The following CRTAC1 variants were observed in gnomAD, a reference collection of about 807,000 sequenced individuals.
CRTAC1 encodes acidic secreted protein in cartilage.
Under a neutral mutation model 67.8 loss-of-function variants are expected in CRTAC1, and 37 were observed. The observed-to-expected ratio is 0.55, with a 90% CI of 0.42 to 0.72. The LOEUF is 0.72. Ranked by LOEUF, CRTAC1 falls within the 30% of genes least tolerant of loss-of-function variation. CRTAC1 has a pLI of 0.00. For missense variants in CRTAC1, 780 were observed against 931.6 expected, an observed-to-expected ratio of 0.84 and a Z score of 2.12; for synonymous variants, 348 against 371.0, an observed-to-expected ratio of 0.94 and a Z score of 0.71.
chr10:97,965,371 A>G (rs2051598137), intron 2 of CRTAC1, among the ~76,000 whole-genome samples: 1 of 152,186 alleles, frequency 6.6e-6, no homozygotes, highest in South Asian at 2.1e-4. Flanking sequence ...ACTGAGGCAA[A>G]AGCAGTTAAG....
At chr10:97,868,396 G>A (rs973501272) in intron 14 of CRTAC1, 2 of 152,268 alleles carry the variant, frequency 1.3e-5, no homozygotes, top group South Asian at 4.1e-4. Context: ...TGTTACCACA[G>A]GGATGGCACC....
intron 5 of CRTAC1, among the ~76,000 whole-genome samples, chr10:97,915,146 C>T (rs531960515): frequency 1.3e-5 from 2 of 152,276 alleles, no homozygotes; most frequent in South Asian, 4.2e-4. Flanking sequence ...GCCTCAAGTC[C>T]GGGTGCCAGC....
At position 97,967,002 on chromosome 10, in the gene CRTAC1, C is replaced by G. The variant is rs1026834199; in HGVS notation, c.225-30636G>C. 2.2e-4 allele frequency among the ~76,000 whole-genome samples: 33 copies of G among 150,468 alleles called. 1 individual carries two copies. The highest frequency in any genetic ancestry group is 3.4e-3 in the Middle Eastern group (1 of 292). ...TCTCCATTGTAAAGTCACCCCCCCC[C>G]CCCCGACATCCTACATGCTTCAGAA... On this transcript the variant is annotated intron_variant, in intron 2 of 14. Coordinates refer to ENST00000370597, the MANE Select transcript of CRTAC1 (RefSeq NM_018058.7).
intron 2 of CRTAC1, among the ~76,000 whole-genome samples, chr10:98,000,623 C>A (rs751173464): frequency 6.6e-6 from 1 of 152,208 alleles, no homozygotes; most frequent in Non-Finnish European, 1.5e-5. Flanking sequence ...GTGGGCGGAG[C>A]GAGCCCATCA....
chr10:97,959,350 G>C (rs2051488312), intron 2 of CRTAC1, among the ~76,000 whole-genome samples: 1 of 152,228 alleles, frequency 6.6e-6, no homozygotes, highest in South Asian at 2.1e-4. Flanking sequence ...ACACCTGACA[G>C]CAACAACTTA....
intron 2 of CRTAC1, among the ~76,000 whole-genome samples, chr10:98,004,492 G>T (rs1466733819): frequency 6.6e-6 from 1 of 152,184 alleles, no homozygotes; most frequent in Non-Finnish European, 1.5e-5. Flanking sequence ...AAAAAGATTA[G>T]ATTGGAAGCA....
At chr10:98,019,113 G>A (rs1564938155) in intron 1 of CRTAC1, among the ~76,000 whole-genome samples, 1 of 152,122 alleles carries the variant, frequency 6.6e-6, no homozygotes, top group Non-Finnish European at 1.5e-5. Context: ...AGGGGTTGTA[G>A]CTGGACTCTG....
chr10:97,958,593 A>G (rs2051476993), intron 2 of CRTAC1, among the ~76,000 whole-genome samples: 1 of 152,170 alleles, frequency 6.6e-6, no homozygotes, highest in Admixed American at 6.5e-5. Context: ...ACACTGACAC[A>G]TCATTTGAGT....
intron 8 of CRTAC1, among the ~76,000 whole-genome samples, chr10:97,898,629 G>A (rs1052640778): frequency 6.6e-6 from 1 of 152,182 alleles, no homozygotes; most frequent in Non-Finnish European, 1.5e-5. Context: ...AAAGGCAATG[G>A]GGAGCTTCTA....
intron 2 of CRTAC1, among the ~76,000 whole-genome samples, chr10:97,982,362 G>A (rs761214316): frequency 1.2e-4 from 18 of 152,120 alleles, no homozygotes; most frequent in South Asian, 6.2e-4. Flanking sequence ...CTTTTTCTGC[G>A]GAAAGTTATG....
rs974652037 is a variant in CRTAC1, at chr10:97,876,591, T to A, written c.1819+3658A>T. On this transcript the variant is annotated intron_variant, in intron 14 of 14. Transcript: ENST00000370597. ...TGGGGCACCAGCTCCTCCATTTGCATAATCCCTTCCGGGTCCATTTCATTA... is the reference window on the plus strand; with the variant it reads ...TGGGGCACCAGCTCCTCCATTTGCAAAATCCCTTCCGGGTCCATTTCATTA... 2.0e-5 allele frequency among the ~76,000 whole-genome samples: 3 copies of A among 152,184 alleles called. No homozygotes were observed. The East Asian group carries it at 5.8e-4, about 29-fold the overall frequency.
intron 11 of CRTAC1, among the ~76,000 whole-genome samples, chr10:97,892,816 C>T (rs2050397293): frequency 6.6e-6 from 1 of 152,200 alleles, no homozygotes; most frequent in Admixed American, 6.5e-5. Flanking sequence ...ACACTCCAAC[C>T]TCAGGCTGAC....
rs1423186458 is a variant in CRTAC1, at chr10:98,005,099, TA to T, written c.224+6038del. Among the ~76,000 whole-genome samples the T allele has an allele frequency of 4.0e-3, 229 of 57,376 alleles. 2 individuals carry two copies. Among genetic ancestry groups the T allele is most frequent in the African/African-American group, 0.014 (219 of 15,490 alleles). The allele number at this position is 57,376 out of a possible 152,430, so 37.6% of individuals were successfully genotyped here. A position where few individuals can be genotyped will look rare whatever the true frequency, so the allele number is the denominator to read the frequency against. ...AGTAATACATATATATATATATATA[TA>T]TTTTTTTTTTTTTTTTTTTTTGAGA... is the stretch of plus-strand genomic sequence containing the variant. On this transcript the variant is annotated intron_variant, in intron 2 of 14. Coordinates refer to ENST00000370597, the MANE Select transcript of CRTAC1 (RefSeq NM_018058.7).
chr10:97,925,404 G>A (rs1455853123), intron 3 of CRTAC1, among the ~76,000 whole-genome samples: 1 of 152,114 alleles, frequency 6.6e-6, no homozygotes, highest in Non-Finnish European at 1.5e-5. Context: ...GGGTGTGTGA[G>A]TGAGGGTGTG....
chr10:97,933,659 T>C (rs1412296187), intron 3 of CRTAC1, among the ~76,000 whole-genome samples: 1 of 152,220 alleles, frequency 6.6e-6, no homozygotes. Context: ...GAGTGTGAAC[T>C]TCACGAGGGC....
At chr10:97,926,865 G>A (rs890864372) in intron 3 of CRTAC1, among the ~76,000 whole-genome samples, 2 of 152,150 alleles carry the variant, frequency 1.3e-5, no homozygotes, top group African/African-American at 2.4e-5. Flanking sequence ...CAGATGCCTG[G>A]GAGCCTCTGA....
chr10:97,882,531 C>T (rs2297936), intron 13 of CRTAC1, among the ~76,000 whole-genome samples: 46,698 of 152,210 alleles, frequency 0.31, 7,211 homozygotes, highest in Admixed American at 0.32. Context: ...TGCAGTTTCT[C>T]GGTACTCATG....
chr10:97,872,118 AC>A (rs2050100018), intron 14 of CRTAC1, among the ~76,000 whole-genome samples: 1 of 82,322 alleles, frequency 1.2e-5, no homozygotes, highest in Non-Finnish European at 2.6e-5. Flanking sequence ...CCCCACCCCC[AC>A]CCCCACCTCC....
Position 98,030,534 on chromosome 10 carries a change from CCGCCGG to C in CRTAC1, c.-68_-63del. Reference sequence around the variant, plus strand: ...AAGCGGGCGCTCGCTGCCGCCTCTGCCGCCGGCGCCGCCGCCTGCTTGCTCCCAGCC... The same window carrying C: ...AAGCGGGCGCTCGCTGCCGCCTCTGCCGCCGCCGCCTGCTTGCTCCCAGCC... On this transcript the variant is annotated 5_prime_UTR_variant, in exon 1 of 15. Coordinates refer to ENST00000370597, the MANE Select transcript of CRTAC1 (RefSeq NM_018058.7). This position sits in a 1 kb window ranked among gnomAD's most constrained non-coding sequence, Gnocchi z 4.2. 1 of 1,128,514 alleles carries C rather than the reference CCGCCGG, an allele frequency of 8.9e-7. No individual in the cohort carries two copies. The highest frequency in any genetic ancestry group is 1.1e-6 in the Non-Finnish European group (1 of 886,924). The allele number at this position is 1,128,514 out of a possible 1,614,324, so 69.9% of individuals were successfully genotyped here. A position where few individuals can be genotyped will look rare whatever the true frequency, so the allele number is the denominator to read the frequency against.
Sources: gnomAD v4.1 joint callset for allele counts (sites outside exome capture counted in the v4.1 genomes callset) on GRCh38, gnomAD v4.1.1 for gene constraint, Gnocchi (gnomAD v3.1) non-coding constraint, MANE v1.5 for transcripts, NCBI Gene and HGNC (gene_info 2026-07-23, HGNC 2026-07-21) for gene names.